RGL1: variants seen among roughly 807,000 people sequenced by gnomAD.
RGL1 encodes ral guanine nucleotide dissociation stimulator-like 1.
In RGL1, 24 loss-of-function variants were observed where a neutral mutation model predicts 95.2. The ratio of observed to expected loss-of-function variants is 0.25; its 90% CI spans 0.18 to 0.35. The LOEUF is 0.35. Among genes scored for constraint, RGL1 ranks in the 10% least tolerant of loss-of-function variants. The pLI, the probability that RGL1 is intolerant of heterozygous loss-of-function variation, is 1.00. For synonymous variants in RGL1, 329 were observed against 344.9 expected, an observed-to-expected ratio of 0.95 and a Z score of 0.51; for missense variants, 715 against 936.3, an observed-to-expected ratio of 0.76 and a Z score of 3.08.
intron 8 of RGL1, among the ~76,000 whole-genome samples, chr1:183,890,596 A>T (rs572243999): frequency 6.6e-6 from 1 of 152,318 alleles, no homozygotes; most frequent in East Asian, 1.9e-4. Flanking sequence ...TTATTTGGAC[A>T]TGGTACATCT....
chr1:183,924,791 A>AAAAAATAC (rs1228489311), intron 17 of RGL1, among the ~76,000 whole-genome samples: 6 of 128,022 alleles, frequency 4.7e-5, no homozygotes, highest in Non-Finnish European at 9.7e-5. Context: ...TAAAAATACA[A>AAAAAATAC]AAAAATACAA....
At chr1:183,761,379 C>T (rs1413038276) in intron 2 of RGL1, among the ~76,000 whole-genome samples, 2 of 152,200 alleles carry the variant, frequency 1.3e-5, no homozygotes, top group Non-Finnish European at 2.9e-5. Context: ...AATCTCCTTG[C>T]ACATCTCTGG....
At chr1:183,672,944 G>A (rs569536354) in intron 1 of RGL1, among the ~76,000 whole-genome samples, 1 of 152,278 alleles carries the variant, frequency 6.6e-6, no homozygotes, top group Non-Finnish European at 1.5e-5. Flanking sequence ...GTGCATGTTT[G>A]TTACATAGGT....
At chr1:183,795,424 A>G (rs1660648350) in intron 2 of RGL1, among the ~76,000 whole-genome samples, 1 of 152,254 alleles carries the variant, frequency 6.6e-6, no homozygotes, top group Non-Finnish European at 1.5e-5. Flanking sequence ...ATGAGAGCAC[A>G]TAATAGGGGT....
chr1:183,673,041 A>G (rs1467186155), intron 1 of RGL1, among the ~76,000 whole-genome samples: 1 of 152,222 alleles, frequency 6.6e-6, no homozygotes, highest in Non-Finnish European at 1.5e-5. Context: ...TTCCTGGTGT[A>G]GAGCAGTGTT....
chr1:183,761,346 G>T (rs1658656633), intron 2 of RGL1, among the ~76,000 whole-genome samples: 1 of 152,186 alleles, frequency 6.6e-6, no homozygotes, highest in African/African-American at 2.4e-5. Context: ...AATGGATATT[G>T]TGTTAGCAGG....
At position 183,682,205 on chromosome 1, in the gene RGL1, T is replaced by C. The variant is rs560467432; in HGVS notation, c.-33+45704T>C. Among the ~76,000 whole-genome samples the C allele has an allele frequency of 2.6e-5, 4 of 152,336 alleles. No individual in the cohort carries two copies. In the East Asian group the frequency reaches 7.7e-4, roughly 29 times the overall value. On this transcript the variant is annotated intron_variant, in intron 1 of 18. Transcript: ENST00000304685. Reference sequence around the variant, plus strand: ...CTGGTCTTAGTTATTTCTTGTTTTCTGCTAGCTTTTGAATTTGTTTGCTCC... The same window carrying C: ...CTGGTCTTAGTTATTTCTTGTTTTCCGCTAGCTTTTGAATTTGTTTGCTCC...
intron 4 of RGL1, among the ~76,000 whole-genome samples, chr1:183,872,082 A>G (rs1030492736): frequency 6.6e-6 from 1 of 152,224 alleles, no homozygotes; most frequent in South Asian, 2.1e-4. Context: ...ATTTCTGCCT[A>G]TATTCATTCT....
At chr1:183,888,985 G>A (rs980984864) in intron 8 of RGL1, among the ~76,000 whole-genome samples, 1 of 152,166 alleles carries the variant, frequency 6.6e-6, no homozygotes, top group African/African-American at 2.4e-5. Context: ...TTGATGTTCA[G>A]TAGGAAACTA....
At chr1:183,876,665 G>A (rs61809232) in intron 4 of RGL1, among the ~76,000 whole-genome samples, 35,126 of 152,218 alleles carry the variant, frequency 0.23, 4,250 homozygotes, top group East Asian at 0.4. Context: ...ACAGTTTGAT[G>A]TCTTTGATTT....
chr1:183,831,852 TTAAA>T (rs1663279986), intron 2 of RGL1, among the ~76,000 whole-genome samples: 1 of 152,194 alleles, frequency 6.6e-6, no homozygotes, highest in Non-Finnish European at 1.5e-5. Flanking sequence ...ATACCTATAA[TTAAA>T]TAAATACAAC....
intron 2 of RGL1, among the ~76,000 whole-genome samples, chr1:183,768,922 T>C (rs1419497537): frequency 1.3e-5 from 2 of 152,258 alleles, no homozygotes; most frequent in African/African-American, 4.8e-5. Flanking sequence ...ATATTAGCAT[T>C]TTATAGATAA....
At chr1:183,671,346 A>G (rs1424226289) in intron 1 of RGL1, among the ~76,000 whole-genome samples, 1 of 152,246 alleles carries the variant, frequency 6.6e-6, no homozygotes, top group Non-Finnish European at 1.5e-5. Flanking sequence ...TCTTGCATGT[A>G]TACCCAATAG....
chr1:183,830,802 T>G (rs1572471990), intron 2 of RGL1, among the ~76,000 whole-genome samples: 1 of 152,342 alleles, frequency 6.6e-6, no homozygotes, highest in East Asian at 1.9e-4. Flanking sequence ...AGTTCTCAAC[T>G]GCTATGAAGA....
chr1:183,667,313 T>A (rs1298439132), intron 1 of RGL1, among the ~76,000 whole-genome samples: 1 of 152,166 alleles, frequency 6.6e-6, no homozygotes, highest in Non-Finnish European at 1.5e-5. Flanking sequence ...TTTAGATCAT[T>A]GATTTATTTT....
chr1:183,727,862 C>T (rs538760541), intron 1 of RGL1, among the ~76,000 whole-genome samples: 7 of 152,220 alleles, frequency 4.6e-5, no homozygotes, highest in South Asian at 4.1e-4. Context: ...GCATGAAATA[C>T]GTGAGTATGA....
upstream of RGL1, among the ~76,000 whole-genome samples, chr1:183,801,179 T>TGTGTGTGTGTG (rs367907447): frequency 6.3e-5 from 8 of 126,174 alleles, no homozygotes; most frequent in Non-Finnish European, 9.8e-5. Context: ...GTGTGTGTGT[T>TGTGTGTGTGTG]TAATAATGGC....
intron 3 of RGL1, among the ~76,000 whole-genome samples, chr1:183,848,392 A>G (rs1664591458): frequency 6.6e-6 from 1 of 152,206 alleles, no homozygotes; most frequent in South Asian, 2.1e-4. Flanking sequence ...ATTTAGAATT[A>G]AACTTGGTCT....
In RGL1 at chr1:183,808,474, G is replaced by A. The variant is rs1023428182; in HGVS notation, c.138+1989G>A. ...TAGGGGCTCTCCAGCTCTAATCTAC[G>A]TGTTTTCTTGTCTTAGGTGTCCTGT... On this transcript the variant is annotated intron_variant, in intron 2 of 17. Transcript: ENST00000360851. Among the ~76,000 whole-genome samples, 5 of 152,084 alleles carry A rather than the reference G, an allele frequency of 3.3e-5. No homozygotes were observed. The South Asian group carries it at 6.2e-4, about 19-fold the overall frequency.
Sources: gnomAD v4.1 joint callset for allele counts (sites outside exome capture counted in the v4.1 genomes callset) on GRCh38, gnomAD v4.1.1 for gene constraint, MANE v1.5 for transcripts, NCBI Gene and HGNC (gene_info 2026-07-23, HGNC 2026-07-21) for gene names.